ATXN7L1: variants seen among roughly 807,000 people sequenced by gnomAD.
The protein encoded by ATXN7L1 is ataxin 7 like 1.
ATXN7L1 carries 15 observed loss-of-function variants against 70.8 expected under a neutral mutation model. The observed-to-expected ratio is 0.21, with a 90% CI of 0.14 to 0.33. The LOEUF is 0.33. Ranked by LOEUF, ATXN7L1 falls within the 10% of genes least tolerant of loss-of-function variation. The pLI is 1.00. For synonymous variants in ATXN7L1, 440 were observed against 445.1 expected, an observed-to-expected ratio of 0.99 and a Z score of 0.14; for missense variants, 975 against 1,097.1, an observed-to-expected ratio of 0.89 and a Z score of 1.57.
intron 7 of ATXN7L1, among the ~76,000 whole-genome samples, chr7:105,635,844 G>GTTTTTT (rs202036365): frequency 7.1e-6 from 1 of 140,210 alleles, no homozygotes; most frequent in Non-Finnish European, 1.6e-5. Flanking sequence ...ATGTGCGATA[G>GTTTTTT]TTTTTTTTTT....
chr7:105,828,890 C>T (rs983210917), intron 2 of ATXN7L1, among the ~76,000 whole-genome samples: 1 of 152,176 alleles, frequency 6.6e-6, no homozygotes, highest in African/African-American at 2.4e-5. Flanking sequence ...CAAGGGTATT[C>T]ATGGCTTATG....
intron 3 of ATXN7L1, among the ~76,000 whole-genome samples, chr7:105,731,751 A>AAGAAAAGAAAAGAAAAGAAAAGAAAAG (rs1796571355): frequency 4.2e-5 from 4 of 94,630 alleles, no homozygotes; most frequent in African/African-American, 6.5e-5. Flanking sequence ...ACTCCTTAAA[A>AAGAAAAGAAAAGAAAAGAAAAGAAAAG]AGAAAAGAAA....
At chr7:105,733,506 C>T (rs71540963) in intron 3 of ATXN7L1, among the ~76,000 whole-genome samples, 9,040 of 101,786 alleles carry the variant, frequency 0.089, 988 homozygotes, top group African/African-American at 0.16. Context: ...ATCCATCCTT[C>T]CATCCATCCA....
At chr7:105,649,645 G>A (rs2115971401) in intron 4 of ATXN7L1, 1 of 883,394 alleles carries the variant, frequency 1.1e-6, no homozygotes, top group Non-Finnish European at 1.4e-6. Flanking sequence ...CCACCTGCCA[G>A]CTACGCTTTC....
chr7:105,669,816 G>T (rs1013628525), intron 3 of ATXN7L1, among the ~76,000 whole-genome samples: 1 of 151,878 alleles, frequency 6.6e-6, no homozygotes, highest in Admixed American at 6.6e-5. Flanking sequence ...CTACTCGGGA[G>T]GCTGAGGCAG....
At chr7:105,869,580 C>G (rs1585197896) in intron 2 of ATXN7L1, among the ~76,000 whole-genome samples, 1 of 152,188 alleles carries the variant, frequency 6.6e-6, no homozygotes, top group African/African-American at 2.4e-5. Context: ...GTTCTCTGCA[C>G]CCTCCTATAT....
intron 7 of ATXN7L1, among the ~76,000 whole-genome samples, chr7:105,635,474 T>C (rs1797220984): frequency 6.6e-6 from 1 of 152,240 alleles, no homozygotes; most frequent in African/African-American, 2.4e-5. Context: ...ATCCATGGAC[T>C]GCTTCTTATG....
intron 3 of ATXN7L1, among the ~76,000 whole-genome samples, chr7:105,737,932 G>A (rs1324110836): frequency 6.6e-6 from 1 of 152,126 alleles, no homozygotes; most frequent in Non-Finnish European, 1.5e-5. Flanking sequence ...TCTGTACTAT[G>A]TAATCCTTTT....
At chr7:105,865,841 C>T (rs944799964) in intron 2 of ATXN7L1, among the ~76,000 whole-genome samples, 11 of 152,194 alleles carry the variant, frequency 7.2e-5, no homozygotes, top group South Asian at 6.2e-4. Context: ...AACACTAACT[C>T]TCCGTTTCCC....
intron 3 of ATXN7L1, among the ~76,000 whole-genome samples, chr7:105,745,240 A>G (rs144421638): frequency 6.6e-6 from 1 of 152,224 alleles, no homozygotes; most frequent in Non-Finnish European, 1.5e-5. Flanking sequence ...AAAAATATAA[A>G]TATATATTAA....
At chr7:105,691,037 T>C (rs1790735774) in intron 3 of ATXN7L1, among the ~76,000 whole-genome samples, 1 of 152,192 alleles carries the variant, frequency 6.6e-6, no homozygotes, top group Non-Finnish European at 1.5e-5. Context: ...GTCATTTAGG[T>C]GGGGACAAAC....
intron 2 of ATXN7L1, among the ~76,000 whole-genome samples, chr7:105,790,665 T>C (rs551944661): frequency 5.7e-5 from 8 of 140,032 alleles, no homozygotes; most frequent in Non-Finnish European, 7.7e-5. Flanking sequence ...ATCTATCTAC[T>C]ATCTATCTAC....
chr7:105,758,620 C>T (rs749486993), intron 3 of ATXN7L1, among the ~76,000 whole-genome samples: 5 of 152,214 alleles, frequency 3.3e-5, no homozygotes, highest in Non-Finnish European at 7.4e-5. Context: ...AAAGGGGGCC[C>T]TCCCCTGCCT....
At chr7:105,865,559 A>G (rs575222114) in intron 2 of ATXN7L1, among the ~76,000 whole-genome samples, 2 of 151,922 alleles carry the variant, frequency 1.3e-5, no homozygotes, top group East Asian at 1.9e-4. Flanking sequence ...GTGCCACCAT[A>G]CCCAGCTAAT....
At chr7:105,644,124 T>C (rs1798653759) in intron 4 of ATXN7L1, among the ~76,000 whole-genome samples, 1 of 152,146 alleles carries the variant, frequency 6.6e-6, no homozygotes, top group East Asian at 1.9e-4. Flanking sequence ...AGAATATGGC[T>C]TTTACATTCC....
chr7:105,787,569 G>T (rs2116478468), intron 3 of ATXN7L1, among the ~76,000 whole-genome samples: 2 of 152,184 alleles, frequency 1.3e-5, no homozygotes, highest in South Asian at 4.2e-4. Flanking sequence ...TTTGTATATA[G>T]AGAGACTGTT....
At chr7:105,663,882 G>C (rs1229691041) in intron 4 of ATXN7L1, among the ~76,000 whole-genome samples, 2 of 152,052 alleles carry the variant, frequency 1.3e-5, no homozygotes, top group East Asian at 3.9e-4. Context: ...TCTCCTGCTT[G>C]CCTCAGCCTC....
intron 2 of ATXN7L1, among the ~76,000 whole-genome samples, chr7:105,871,002 T>C (rs1215127315): frequency 6.6e-6 from 1 of 152,108 alleles, no homozygotes; most frequent in Non-Finnish European, 1.5e-5. Flanking sequence ...CAGTGATTTT[T>C]GCCACCAAGA....
At chr7:105,819,611 C>A (rs1809781645) in intron 2 of ATXN7L1, 1 of 888,370 alleles carries the variant, frequency 1.1e-6, no homozygotes, top group Non-Finnish European at 1.9e-6. Flanking sequence ...GCTGTGAGGG[C>A]ATCATCATTT....
Sources: allele counts gnomAD v4.1 joint callset (sites outside exome capture counted in the v4.1 genomes callset), GRCh38; gene constraint gnomAD v4.1.1; transcripts MANE v1.5; gene names NCBI Gene and HGNC (gene_info 2026-07-23, HGNC 2026-07-21).